Variants in DMD observed in about 807,000 individuals in gnomAD.
DMD encodes dystrophin.
DMD carries 63 observed loss-of-function variants against 330.1 expected under a neutral mutation model. The observed-to-expected ratio is 0.19, with a 90% CI of 0.16 to 0.24. The LOEUF is 0.24. Ranked by LOEUF, DMD falls within the 10% of genes least tolerant of loss-of-function variation. The probability of loss-of-function intolerance (pLI) is 1.00; values close to 1 mark genes in which losing one functional copy is unlikely to be tolerated. For missense variants in DMD, 3,344 were observed against 2,684.1 expected (o/e 1.25, Z -5.43); for synonymous variants, 1,223 against 959.8 (o/e 1.27, Z -5.07).
intron 29 of DMD, among the ~76,000 whole-genome samples, chrX:32,425,424 C>T (rs1311509105): frequency 9.0e-6 from 1 of 111,174 alleles, no homozygotes; most frequent in African/African-American, 3.3e-5. Context: ...TCTTGTAAGA[C>T]TTTGCTCTTA....
At chrX:32,489,194 C>G (rs976678933) in intron 20 of DMD, among the ~76,000 whole-genome samples, 2 of 111,253 alleles carry the variant, frequency 1.8e-5, no homozygotes, top group African/African-American at 6.5e-5. Flanking sequence ...TGAATGCCCA[C>G]TCTAATATTC....
chrX:32,849,924 A>G, intron 2 of DMD, 104 bp from the exon 3 acceptor site: 1 of 644,019 alleles, frequency 1.6e-6, no homozygotes, highest in Non-Finnish European at 2.5e-6. Context: ...AAGGATAATT[A>G]GTGTGCATAA....
intron 1 of DMD, among the ~76,000 whole-genome samples, chrX:33,180,843 CT>C (rs3990972): frequency 0.32 from 26,742 of 84,541 alleles, 5,106 homozygotes; most frequent in African/African-American, 0.62. Context: ...TGTCTAAGAG[CT>C]TTTTTTTTTT....
chrX:31,208,466 G>A (rs2044309031), intron 65 of DMD, among the ~76,000 whole-genome samples: 1 of 111,926 alleles, frequency 8.9e-6, no homozygotes, highest in Admixed American at 9.5e-5. Flanking sequence ...TATTTGAGGG[G>A]AAACCTGAAT....
At chrX:32,513,932 G>A (rs545297606) in intron 18 of DMD, among the ~76,000 whole-genome samples, 2 of 111,740 alleles carry the variant, frequency 1.8e-5, no homozygotes, top group South Asian at 3.8e-4. Context: ...TAAGCCAAGC[G>A]AGGAAAGAAT....
chrX:32,893,590 A>ACCCC (rs2085423920), intron 2 of DMD, among the ~76,000 whole-genome samples: 1 of 112,165 alleles, frequency 8.9e-6, no homozygotes, highest in Non-Finnish European at 1.9e-5. Context: ...TGCTGTGATA[A>ACCCC]ACAGTGGGGT....
chrX:32,145,984 A>T (rs2096776279), intron 44 of DMD, among the ~76,000 whole-genome samples: 1 of 112,037 alleles, frequency 8.9e-6, no homozygotes, highest in African/African-American at 3.2e-5. Context: ...GAGAAAAATA[A>T]AAATAGTAAC....
chrX:33,013,159 G>A (rs1403746378), intron 2 of DMD, among the ~76,000 whole-genome samples: 1 of 110,556 alleles, frequency 9.0e-6, no homozygotes, highest in Non-Finnish European at 1.9e-5. Flanking sequence ...GAGTTTTAGA[G>A]TCCATTTTCT....
chrX:32,428,549 T>G (rs2098222616), intron 29 of DMD, among the ~76,000 whole-genome samples: 1 of 112,075 alleles, frequency 8.9e-6, no homozygotes, highest in Non-Finnish European at 1.9e-5. Context: ...AGTTGTGTAT[T>G]TCTTCTTGTT....
At chrX:32,691,661 TATCCAAAAGAATTGAAATCAGG>T (rs1244635676) in intron 9 of DMD, among the ~76,000 whole-genome samples, 1 of 111,413 alleles carries the variant, frequency 9.0e-6, no homozygotes, top group Non-Finnish European at 1.9e-5. Context: ...TTTGGATATT[TATCCAAAAGAATTGAAATCAGG>T]ATCTTGAAGG....
At chrX:31,529,661 G>A (rs939672297) in intron 55 of DMD, among the ~76,000 whole-genome samples, 1 of 111,959 alleles carries the variant, frequency 8.9e-6, no homozygotes, top group Non-Finnish European at 1.9e-5. Context: ...TTCAGGGAAC[G>A]GAAAGCAGAG....
intron 7 of DMD, among the ~76,000 whole-genome samples, chrX:32,790,901 C>A (rs1022427186): frequency 9.0e-6 from 1 of 111,255 alleles, no homozygotes; most frequent in Non-Finnish European, 1.9e-5. Flanking sequence ...CTGGGGAGCA[C>A]CTTGCCCCTC....
intron 55 of DMD, among the ~76,000 whole-genome samples, chrX:31,610,029 CTCTCTCTCTG>C (rs908199723): frequency 5.5e-5 from 6 of 109,842 alleles, no homozygotes; most frequent in Non-Finnish European, 7.6e-5. Context: ...CACTCCATTC[CTCTCTCTCTG>C]TCTCTCTCTC....
chrX:32,466,458 A>C (rs898116134), intron 23 of DMD, among the ~76,000 whole-genome samples: 11 of 111,276 alleles, frequency 9.9e-5, no homozygotes, highest in African/African-American at 3.3e-4. Context: ...AGGCTGAATA[A>C]TGCTACCCCC....
intron 7 of DMD, among the ~76,000 whole-genome samples, chrX:32,747,930 C>T (rs1172915193): frequency 1.8e-5 from 2 of 112,014 alleles, no homozygotes; most frequent in African/African-American, 6.5e-5. Context: ...CTTTGAATAA[C>T]TTTTAATAAT....
chrX:33,031,876 C>T (rs2094121271), intron 1 of DMD, among the ~76,000 whole-genome samples: 1 of 112,099 alleles, frequency 8.9e-6, no homozygotes, highest in Admixed American at 9.5e-5. Context: ...GGTAAAAAAA[C>T]TCTTAGCTTC....
intron 67 of DMD, among the ~76,000 whole-genome samples, chrX:31,194,502 G>A (rs1293559605): frequency 6.2e-5 from 7 of 112,228 alleles, no homozygotes; most frequent in Non-Finnish European, 1.3e-4. Flanking sequence ...ATGGCATAGG[G>A]GAAAATGTGT....
chrX:32,917,452 C>G (rs764199988), intron 2 of DMD, among the ~76,000 whole-genome samples: 6 of 111,617 alleles, frequency 5.4e-5, no homozygotes, highest in African/African-American at 1.6e-4. Flanking sequence ...TTGGAACCAC[C>G]ACCACCACAC....
chrX:32,198,207 A>C lies in DMD; in HGVS notation c.6438+18709T>G, dbSNP rs773584402. 6.2e-5 allele frequency among the ~76,000 whole-genome samples: 7 copies of C among 112,193 alleles called. No homozygotes were observed. The East Asian group carries it at 2.0e-3, about 31-fold the overall frequency. On this transcript the variant is annotated intron_variant, in intron 44 of 78. Transcript: ENST00000357033. ...AGCACATATCAACTATATTCCAAAA[A>C]TCAATAAAAGTGCCTAGGAGAAACA...
Sources: gnomAD v4.1 joint callset for allele counts (sites outside exome capture counted in the v4.1 genomes callset) on GRCh38, gnomAD v4.1.1 for gene constraint, MANE v1.5 for transcripts, NCBI Gene and HGNC (gene_info 2026-07-23, HGNC 2026-07-21) for gene names.